Variants in UTP20 observed in about 807,000 individuals in gnomAD.
UTP20 encodes the protein small subunit processome component 20 homolog.
A neutral mutation model predicts 329.5 loss-of-function variants in UTP20; 164 were observed. The observed-to-expected ratio is 0.50, with a 90% CI of 0.44 to 0.57. The LOEUF is 0.57. Ranked by LOEUF, UTP20 falls within the 20% of genes least tolerant of loss-of-function variation. The pLI is 0.00. For synonymous variants in UTP20, 1,151 were observed against 1,159.3 expected (o/e 0.99, Z 0.14); for missense variants, 3,055 against 3,284.2 (o/e 0.93, Z 1.71).
chr12:101,315,206 C>T (rs1278915427), intron 21 of UTP20, among the ~76,000 whole-genome samples: 2 of 152,016 alleles, frequency 1.3e-5, no homozygotes, highest in African/African-American at 4.8e-5. Flanking sequence ...CTAGAACTGG[C>T]CAGGCACGGT....
At chr12:101,333,589 C>A (rs1217964957) in intron 28 of UTP20, 145 bp downstream of exon 28, 6 of 1,076,492 alleles carry the variant, frequency 5.6e-6, no homozygotes, top group Non-Finnish European at 6.6e-6. Flanking sequence ...GTTTTTAGAA[C>A]ACTTTTCTTT....
At position 101,333,330 on chromosome 12, in the gene UTP20, A is replaced by G. The variant is rs1489785918; in HGVS notation, c.3447A>G (p.Lys1149=). The change falls in exon 28 of 62, where the codon AAA becomes AAG. Residue 1149 remains lysine, a synonymous_variant. Transcript: ENST00000261637. ...KIQLRFINPL[K]NLRRLGIKMV... ...AGCTGAGATTTATTAATCCATTGAA[A>G]AATTTAAGACGTCTTGGAATCAAAA... The G allele has an allele frequency of 1.2e-6, 2 of 1,613,870 alleles. No individual in the cohort carries two copies. The highest frequency in any genetic ancestry group is 3.3e-5 in the Admixed American group (2 of 59,982).
rs370227791 is a variant in UTP20 at position 101,355,048 on chromosome 12, C to T, written c.5324C>T (p.Thr1775Ile). ...CAAAACAAGGAAGAAATAGAGAGAA[C>T]AATTAAAAATATCCAAGGAACCATA... is the stretch of plus-strand genomic sequence containing the variant. ...LPQNKEEIER[T>I]IKNIQGTITG... Residue 1775 changes from threonine (T) to isoleucine (I), a missense_variant, in exon 41 of 62, where the codon ACA (threonine) becomes ATA (isoleucine). Physicochemically the swap from Thr to Ile is moderately conservative, Grantham distance 89. Transcript: ENST00000261637. The T allele has an allele frequency of 1.2e-5, 19 of 1,613,980 alleles. No homozygotes were observed. Among genetic ancestry groups the T allele is most frequent in the Admixed American group, 1.2e-4 (7 of 59,986 alleles).
chr12:101,358,308 T>C (rs535330797), intron 43 of UTP20, among the ~76,000 whole-genome samples: 22 of 152,368 alleles, frequency 1.4e-4, no homozygotes, highest in Non-Finnish European at 2.8e-4. Flanking sequence ...CCCTTTGCCC[T>C]TCACCCTTTG....
chr12:101,366,619 C>G lies in UTP20; in HGVS notation c.6187C>G (p.Pro2063Ala). 6.2e-7 allele frequency: 1 copy of G among 1,614,154 alleles called. No homozygotes were observed. Among genetic ancestry groups the G allele is most frequent in the Non-Finnish European group, 8.5e-7 (1 of 1,180,024 alleles). Residue 2063 changes from proline (P) to alanine (A), a missense_variant, in exon 47 of 62, where the codon CCA (proline) becomes GCA (alanine). Pro to Ala is a conservative substitution (Grantham distance 27). Around this residue, in one of 3 missense-constraint regions of UTP20, gnomAD observed 2,445 missense variants for 2,575.5 expected, o/e 0.95. Transcript: ENST00000261637. The stretch of plus-strand genomic sequence containing the variant: ...ACCCCAGAGCTGCCTTCTGCTTCCC[C>G]CAACTCCAGTTCGAGGTGGACAGAA... The part of the protein sequence containing the change: ...LPPQSCLLLP[P>A]TPVRGGQKAV...
intron 27 of UTP20, among the ~76,000 whole-genome samples, chr12:101,332,343 GA>G (rs560348089): frequency 1.1e-4 from 17 of 151,634 alleles, no homozygotes; most frequent in African/African-American, 4.1e-4. Flanking sequence ...ATCTCAAAAA[GA>G]AAAAAAAGAA....
chr12:101,358,504 A>G lies in UTP20; in HGVS notation c.5691+1422A>G, dbSNP rs536886059. Among the ~76,000 whole-genome samples, 21 of 152,284 alleles carry G rather than the reference A, an allele frequency of 1.4e-4. No individual in the cohort carries two copies. In the South Asian group the frequency reaches 1.9e-3, roughly 14 times the overall value. On this transcript the variant is annotated intron_variant, in intron 43 of 61. Coordinates refer to ENST00000261637, the MANE Select transcript of UTP20 (RefSeq NM_014503.3). Reference sequence around the variant, plus strand: ...CTGAATTTCCACACTTCTTTCTAATATCATTTTGCCGTAGTCTAGAGGGTG... The same window carrying G: ...CTGAATTTCCACACTTCTTTCTAATGTCATTTTGCCGTAGTCTAGAGGGTG...
chr12:101,291,923 T>G, intron 9 of UTP20, 35 bp downstream of exon 9: 6 of 1,606,716 alleles, frequency 3.7e-6, no homozygotes, highest in Non-Finnish European at 5.1e-6. Flanking sequence ...GAGAGTCTGG[T>G]TTTTAAAAGC....
chr12:101,310,608 T>C (rs1872761191), intron 19 of UTP20, among the ~76,000 whole-genome samples: 1 of 116,930 alleles, frequency 8.6e-6, no homozygotes, highest in African/African-American at 3.5e-5. Flanking sequence ...ATACATGTTA[T>C]GGCTCATGTG....
intron 28 of UTP20, among the ~76,000 whole-genome samples, chr12:101,333,683 G>C (rs530395256): frequency 1.2e-4 from 17 of 145,900 alleles, no homozygotes; most frequent in African/African-American, 4.4e-4. Flanking sequence ...ATATGAATGT[G>C]TCTCTTAAGC....
At chr12:101,294,698 A>C (rs2137237689) in intron 11 of UTP20, among the ~76,000 whole-genome samples, 1 of 151,982 alleles carries the variant, frequency 6.6e-6, no homozygotes, top group South Asian at 2.1e-4. Flanking sequence ...ATGTGCCCCC[A>C]CGCCTGGCTA....
chr12:101,374,860 A>G lies in UTP20; in HGVS notation c.7184A>G (p.Glu2395Gly), dbSNP rs747719423. 1.4e-6 allele frequency: 2 copies of G among 1,473,740 alleles called. No individual in the cohort carries two copies. Among genetic ancestry groups the G allele is most frequent in the East Asian group, 4.5e-5 (2 of 44,206 alleles). 91.3% of individuals were successfully genotyped at this position (1,473,740 alleles called of 1,614,324 possible). A position where few individuals can be genotyped will look rare whatever the true frequency, so the allele number is the denominator to read the frequency against. ...ATCTGTGGCTTGTTTGTGGAAAGTG[A>G]AGGAGTTGATTTTGAGAAAAGACTT... ...ALICGLFVESEGVDFEKRLGT... is the reference protein window; with the variant it reads ...ALICGLFVESGGVDFEKRLGT... Residue 2395 changes from glutamate to glycine, a missense_variant, in exon 55 of 62, where the codon GAA becomes GGA. Glu to Gly is a moderately conservative substitution (Grantham distance 98). This residue lies in a region of UTP20 where 273 missense variants were observed against 363.1 expected (regional missense o/e 0.75). Transcript: ENST00000261637.
chr12:101,383,487 A>G (rs915956776), intron 59 of UTP20, 56 bp from the exon 60 acceptor site: 15 of 1,587,322 alleles, frequency 9.4e-6, no homozygotes, highest in Non-Finnish European at 1.3e-5. Flanking sequence ...TGCTGTGTCT[A>G]TGATTGAGTG....
Position 101,285,733 on chromosome 12 carries a change from T to C in UTP20, c.194-16T>C, listed in dbSNP as rs2137228923. On this transcript the variant is annotated splice_polypyrimidine_tract_variant and intron_variant, in intron 3 of 61. Coordinates refer to ENST00000261637, the MANE Select transcript of UTP20 (RefSeq NM_014503.3). ...GGTGTGATAGAAAAGAACATATTTTTTTTTCCCCCACTCAGGAAAATTTTA... is the reference window on the plus strand; with the variant it reads ...GGTGTGATAGAAAAGAACATATTTTCTTTTCCCCCACTCAGGAAAATTTTA... The C allele has an allele frequency of 6.2e-7, 1 of 1,613,284 alleles. No homozygotes were observed.
At chr12:101,292,322 A>G (rs1872185616) in intron 10 of UTP20, among the ~76,000 whole-genome samples, 1 of 152,220 alleles carries the variant, frequency 6.6e-6, no homozygotes, top group Admixed American at 6.5e-5. Flanking sequence ...AAAGTGTGGC[A>G]AAAGCTAAAT....
In UTP20 at chr12:101,381,158, G is replaced by A. The variant is rs756115922; in HGVS notation, c.7603G>A (p.Ala2535Thr). The A allele has an allele frequency of 6.8e-6, 11 of 1,613,696 alleles. No individual in the cohort carries two copies. The highest frequency in any genetic ancestry group is 1.6e-4 in the Middle Eastern group (1 of 6,062). The change falls in exon 58 of 62, where the codon GCC becomes ACC. Residue 2535 changes from alanine to threonine, a missense_variant. Coordinates refer to ENST00000261637, the MANE Select transcript of UTP20 (RefSeq NM_014503.3). ...TTCACAGATGAAAAGTATCTCTCTC[G>A]CCTCTTGCCATCAATTGCATTCCAA... is the stretch of plus-strand genomic sequence containing the variant. Reference protein sequence around the residue: ...LDQKMKSISLASCHQLHSKFL... With the variant: ...LDQKMKSISLTSCHQLHSKFL...
chr12:101,342,912 T>G, intron 34 of UTP20, 29 bp from the exon 35 acceptor site: 1 of 1,609,606 alleles, frequency 6.2e-7, no homozygotes, highest in South Asian at 1.1e-5. Flanking sequence ...ATGCCTTCTT[T>G]TATATAACTT....
rs768672772 is a variant in UTP20, at chr12:101,373,347, A to G, written c.6879-54A>G. ...ATACAATATTTTCATTTTTTAAATA[A>G]TTATTTGTAAATTTAGAAGATACTA... On this transcript the variant is annotated intron_variant, in intron 52 of 61. Coordinates refer to ENST00000261637, the MANE Select transcript of UTP20 (RefSeq NM_014503.3). 285 of 1,494,474 alleles carry G rather than the reference A, an allele frequency of 1.9e-4. 1 individual carries two copies. Among genetic ancestry groups the G allele is most frequent in the Middle Eastern group, 1.0e-3 (6 of 5,806 alleles). The allele number at this position is 1,494,474 out of a possible 1,614,324, so 92.6% of individuals were successfully genotyped here.
Position 101,342,839 on chromosome 12 carries a change from T to TAAGAA in UTP20, c.4296+4_4296+8dup. 1 of 1,613,146 alleles carries TAAGAA rather than the reference T, an allele frequency of 6.2e-7. No homozygotes were observed. The highest frequency in any genetic ancestry group is 1.7e-5 in the Admixed American group (1 of 59,910). On this transcript the variant is annotated splice_region_variant and intron_variant, in intron 34 of 61. Transcript: ENST00000261637. ...AAATATATTACTGATGTTGTCAAGG[T>TAAGAA]AAGAAAGAAGGGTTTCTCTTTGGCT...
Sources: gnomAD v4.1 joint callset for allele counts (sites outside exome capture counted in the v4.1 genomes callset) on GRCh38, gnomAD v4.1.1 for gene constraint, gnomAD v4.1.1 regional missense constraint, MANE v1.5 for transcripts, NCBI Gene and HGNC (gene_info 2026-07-23, HGNC 2026-07-21) for gene names.